The following ADAMTSL3 variants were observed in gnomAD, a reference collection of about 807,000 sequenced individuals.
The protein encoded by ADAMTSL3 is ADAMTS-like protein 3.
Under a neutral mutation model 201.7 loss-of-function variants are expected in ADAMTSL3, and 128 were observed. That is an observed-to-expected ratio of 0.63 (90% confidence interval 0.55 to 0.73). ADAMTSL3 has a LOEUF of 0.73. ADAMTSL3 is among the 30% of genes least tolerant of loss of function. The probability of loss-of-function intolerance (pLI) is 0.00; values close to 1 mark genes in which losing one functional copy is unlikely to be tolerated. For synonymous variants in ADAMTSL3, 738 were observed against 748.4 expected (o/e 0.99, Z 0.23); for missense variants, 1,990 against 2,119.6 (o/e 0.94, Z 1.20).
intron 21 of ADAMTSL3, among the ~76,000 whole-genome samples, chr15:83,987,926 A>G (rs2067510352): frequency 6.6e-6 from 1 of 152,180 alleles, no homozygotes; most frequent in Non-Finnish European, 1.5e-5. Context: ...CAAATTATTA[A>G]GAATAAAATA....
chr15:83,838,360 A>G (rs1192247563), intron 7 of ADAMTSL3, 145 bp downstream of exon 7: 3 of 1,133,132 alleles, frequency 2.6e-6, no homozygotes, highest in South Asian at 1.7e-5. Flanking sequence ...ATTTCTTCCA[A>G]GAAGTGTGTA....
intron 7 of ADAMTSL3, among the ~76,000 whole-genome samples, chr15:83,849,474 T>C (rs1179920603): frequency 1.3e-5 from 2 of 152,208 alleles, no homozygotes; most frequent in Non-Finnish European, 2.9e-5. Flanking sequence ...ATAGAAAATA[T>C]AGGATTTCAA....
intron 23 of ADAMTSL3, among the ~76,000 whole-genome samples, chr15:84,010,615 TAATG>T (rs1277116621): frequency 6.6e-6 from 1 of 152,108 alleles, no homozygotes; most frequent in African/African-American, 2.4e-5. Flanking sequence ...AGAGAGTGAA[TAATG>T]AGAGTGAATT....
At chr15:83,692,922 C>T (rs1248936887) in intron 2 of ADAMTSL3, among the ~76,000 whole-genome samples, 2 of 152,084 alleles carry the variant, frequency 1.3e-5, no homozygotes, top group Non-Finnish European at 2.9e-5. Context: ...GCCACACAGA[C>T]GAGCTGTTTC....
intron 26 of ADAMTSL3, among the ~76,000 whole-genome samples, chr15:84,022,254 A>C (rs1490335989): frequency 6.6e-6 from 1 of 152,070 alleles, no homozygotes; most frequent in Non-Finnish European, 1.5e-5. Flanking sequence ...GGACTACTCC[A>C]GGAGTCTTCT....
intron 5 of ADAMTSL3, among the ~76,000 whole-genome samples, chr15:83,810,760 A>G (rs1358887820): frequency 1.3e-5 from 2 of 151,992 alleles, no homozygotes; most frequent in African/African-American, 4.8e-5. Flanking sequence ...TTCTTTTGAG[A>G]CTGAGTCTCA....
intron 23 of ADAMTSL3, among the ~76,000 whole-genome samples, chr15:83,994,586 GTTTTTTTTTTTTTTTT>G (rs3045402): frequency 4.0e-5 from 2 of 50,232 alleles, no homozygotes; most frequent in East Asian, 1.1e-3. Flanking sequence ...TTGTTTTTTC[GTTTTTTTTTTTTTTTT>G]TTTTTTTTTT....
chr15:83,976,164 G>A (rs1417385055), intron 20 of ADAMTSL3, among the ~76,000 whole-genome samples: 1 of 152,208 alleles, frequency 6.6e-6, no homozygotes, highest in African/African-American at 2.4e-5. Flanking sequence ...GGTGAGTGGG[G>A]AGAGGTAGCT....
intron 3 of ADAMTSL3, among the ~76,000 whole-genome samples, chr15:83,713,788 T>C (rs1189013635): frequency 6.6e-6 from 1 of 152,246 alleles, no homozygotes; most frequent in African/African-American, 2.4e-5. Context: ...GATTGGCTTA[T>C]TCAGAAATGT....
At chr15:83,883,282 C>T (rs1199616047) in intron 9 of ADAMTSL3, among the ~76,000 whole-genome samples, 12 of 151,828 alleles carry the variant, frequency 7.9e-5, no homozygotes, top group Non-Finnish European at 1.5e-4. Flanking sequence ...AAGCAATTCT[C>T]CTGCCTCAGC....
rs770476010 is a variant in ADAMTSL3 at position 83,971,605 on chromosome 15, TAA to T, written c.2644+971_2644+972del. The stretch of plus-strand genomic sequence containing the variant: ...AAGAAAGAAAAAAAGAGTTGTGTGT[TAA>T]AACATGTAAGCCGAGGGCGGCCATG... On this transcript the variant is annotated intron_variant, in intron 20 of 29. Transcript: ENST00000286744. Among the ~76,000 whole-genome samples the T allele has an allele frequency of 4.9e-3, 732 of 148,344 alleles. 7 individuals are homozygous for T. The highest frequency in any genetic ancestry group is 8.7e-3 in the Non-Finnish European group (584 of 67,244).
At chr15:83,844,816 A>G (rs915629964) in intron 7 of ADAMTSL3, among the ~76,000 whole-genome samples, 3 of 152,180 alleles carry the variant, frequency 2.0e-5, no homozygotes, top group African/African-American at 7.2e-5. Flanking sequence ...AAGGAATGTC[A>G]TAGATTGTAT....
In ADAMTSL3 at chr15:84,025,341, G is replaced by T. The variant is rs201925532; in HGVS notation, c.4561G>T (p.Val1521Leu). ...GACAAAAGCCAATGGAACTGTGCAG[G>T]TGGTGTCTCCAAGAGCATGTGCCCC... ...KRTKANGTVQVVSPRACAPKD... is the reference protein window; with the variant it reads ...KRTKANGTVQLVSPRACAPKD... Residue 1521 changes from valine (V) to leucine (L), a missense_variant, in exon 27 of 30, where the codon GTG (valine) becomes TTG (leucine). Physicochemically the swap from Val to Leu is conservative, Grantham distance 32. Coordinates refer to ENST00000286744, the MANE Select transcript of ADAMTSL3 (RefSeq NM_207517.3). The T allele has an allele frequency of 9.7e-5, 157 of 1,614,200 alleles. No homozygotes were observed. In the East Asian group the frequency reaches 3.4e-3, roughly 35 times the overall value.
intron 19 of ADAMTSL3, among the ~76,000 whole-genome samples, chr15:83,964,706 C>T (rs1310382312): frequency 6.6e-6 from 1 of 152,092 alleles, no homozygotes; most frequent in Non-Finnish European, 1.5e-5. Flanking sequence ...AGAACAACCC[C>T]AAGACACATA....
chr15:83,959,958 A>G (rs772176801), intron 19 of ADAMTSL3, among the ~76,000 whole-genome samples: 12 of 152,358 alleles, frequency 7.9e-5, no homozygotes, highest in Non-Finnish European at 1.6e-4. Flanking sequence ...TCTTCTGAGT[A>G]GCCATTGGCA....
At chr15:83,990,290 C>T (rs755892068) in intron 22 of ADAMTSL3, among the ~76,000 whole-genome samples, 11 of 152,122 alleles carry the variant, frequency 7.2e-5, no homozygotes, top group Non-Finnish European at 1.2e-4. Flanking sequence ...AGCTCTGAAC[C>T]GTGGTTACAT....
chr15:83,922,604 C>T (rs1334873017), intron 16 of ADAMTSL3, among the ~76,000 whole-genome samples: 1 of 152,164 alleles, frequency 6.6e-6, no homozygotes, highest in East Asian at 1.9e-4. Flanking sequence ...TCTTATATCT[C>T]ACGTTAGCCA....
chr15:83,848,725 A>G (rs1030914008), intron 7 of ADAMTSL3, among the ~76,000 whole-genome samples: 4 of 152,340 alleles, frequency 2.6e-5, no homozygotes, highest in African/African-American at 9.6e-5. Context: ...ATAAAATTTT[A>G]ATTGTCTTAA....
chr15:84,021,868 A>C (rs2068211931), intron 26 of ADAMTSL3, among the ~76,000 whole-genome samples: 1 of 152,120 alleles, frequency 6.6e-6, no homozygotes, highest in Admixed American at 6.5e-5. Context: ...CCTGCTCTCA[A>C]TCACTAACCA....
Sources: gnomAD v4.1 joint callset for allele counts (sites outside exome capture counted in the v4.1 genomes callset) on GRCh38, gnomAD v4.1.1 for gene constraint, MANE v1.5 for transcripts, NCBI Gene and HGNC (gene_info 2026-07-23, HGNC 2026-07-21) for gene names.